APOL5: variants seen among roughly 807,000 people sequenced by gnomAD.
The protein encoded by APOL5 is apolipoprotein L, 5.
Under a neutral mutation model 35.5 loss-of-function variants are expected in APOL5, and 29 were observed. The ratio of observed to expected loss-of-function variants is 0.82; its 90% CI spans 0.61 to 1.11. The LOEUF (loss-of-function observed/expected upper bound fraction) is 1.11, where lower values mean the gene tolerates loss of function less well. Among genes scored for constraint, APOL5 ranks in the 50% most tolerant of loss-of-function variants. The pLI, the probability that APOL5 is intolerant of heterozygous loss-of-function variation, is 0.00. For missense variants in APOL5, 514 were observed against 530.4 expected (o/e 0.97, Z 0.30); for synonymous variants, 188 against 200.2 (o/e 0.94, Z 0.51).
chr22:35,711,366 G>A, the APOL5 span, among the ~76,000 whole-genome samples: 1 of 152,020 alleles, frequency 6.6e-6, no homozygotes, highest in African/African-American at 2.4e-5. Flanking sequence ...ATATCTCTTT[G>A]AGACCCTGCT....
upstream of APOL5, chr22:35,717,738 CAA>C (rs71322979): frequency 0.017 from 3,163 of 190,850 alleles, no homozygotes; most frequent in South Asian, 0.021. Context: ...AGCTCCATCG[CAA>C]AAAAAAAAAA....
At chr22:35,724,385 T>G (rs902354845) in intron 2 of APOL5, among the ~76,000 whole-genome samples, 10 of 151,922 alleles carry the variant, frequency 6.6e-5, no homozygotes, top group African/African-American at 2.4e-4. Context: ...CCACCTTTTT[T>G]TTTTTTTTAA....
intron 1 of APOL5, among the ~76,000 whole-genome samples, chr22:35,719,680 C>T (rs1393324234): frequency 6.6e-6 from 1 of 152,230 alleles, no homozygotes; most frequent in Non-Finnish European, 1.5e-5. Flanking sequence ...GGGGAGCATG[C>T]GGACCGGCAG....
chr22:35,725,191 G>C (rs1274077808), intron 2 of APOL5, among the ~76,000 whole-genome samples: 1 of 152,208 alleles, frequency 6.6e-6, no homozygotes, highest in Non-Finnish European at 1.5e-5. Context: ...AGAGCCAGAT[G>C]AATGGGAGAC....
chr22:35,728,847 A>G lies in APOL5; in HGVS notation c.1251A>G (p.Pro417=). Residue 417 remains proline, a synonymous_variant, in exon 4 of 5, where the codon CCA becomes CCG. Transcript: ENST00000249044. ...GGATGCTTGGCCACCAGCCAGCCCC[A>G]CCAGCACCAGCAAGAAAGGGGAGAC... ...APRMLGHQPA[P]PAPARKGRQA... 1 of 1,611,386 alleles carries G rather than the reference A, an allele frequency of 6.2e-7. No individual in the cohort carries two copies. Among genetic ancestry groups the G allele is most frequent in the Non-Finnish European group, 8.5e-7 (1 of 1,178,832 alleles).
At chr22:35,712,099 T>G in the APOL5 span, among the ~76,000 whole-genome samples, 1 of 152,298 alleles carries the variant, frequency 6.6e-6, no homozygotes, top group Middle Eastern at 3.4e-3. Flanking sequence ...TTCAACCTCC[T>G]GGGCTCAAGT....
At chr22:35,722,506 G>A (rs963666929) in intron 2 of APOL5, among the ~76,000 whole-genome samples, 1 of 152,148 alleles carries the variant, frequency 6.6e-6, no homozygotes, top group African/African-American at 2.4e-5. Context: ...TCACCACGTT[G>A]GCCAGGCTGG....
At chr22:35,717,485 A>G (rs941798900), upstream of APOL5, among the ~76,000 whole-genome samples, 2 of 150,752 alleles carry the variant, frequency 1.3e-5, no homozygotes, top group African/African-American at 4.9e-5. Flanking sequence ...CACGCCTGTA[A>G]TCCCAGCATT....
intron 2 of APOL5, among the ~76,000 whole-genome samples, chr22:35,724,094 G>A (rs1047808844): frequency 6.6e-6 from 1 of 151,642 alleles, no homozygotes; most frequent in Non-Finnish European, 1.5e-5. Context: ...TGGAAATGTA[G>A]ACTCTTTTAC....
chr22:35,717,931 G>A lies in APOL5; in HGVS notation c.55+5G>A. ...CCGGTTCCAAGGTGTTACCTGGTAA[G>A]TTCTTTTAAGCTTTCAGAAAACAAG... On this transcript the variant is annotated splice_donor_5th_base_variant and intron_variant, in intron 1 of 4. Transcript: ENST00000249044. 1 of 1,571,238 alleles carries A rather than the reference G, an allele frequency of 6.4e-7. No homozygotes were observed. The highest frequency in any genetic ancestry group is 8.6e-7 in the Non-Finnish European group (1 of 1,159,010).
the APOL5 span, among the ~76,000 whole-genome samples, chr22:35,709,356 A>G: frequency 1.4e-5 from 2 of 143,278 alleles, no homozygotes; most frequent in Non-Finnish European, 3.1e-5. Flanking sequence ...GGTATAAAAC[A>G]CACAAAATTT....
chr22:35,728,614 C>G, intron 3 of APOL5, 109 bp from the exon 4 acceptor site: 1 of 1,321,830 alleles, frequency 7.6e-7, no homozygotes. Context: ...TTTTCTTCTT[C>G]TCAAAGCCAA....
rs1394780774 is a variant in APOL5 at position 35,726,596 on chromosome 22, G to T, written c.528G>T (p.Leu176Phe). The change falls in exon 3 of 5, where the codon TTG becomes TTT. Residue 176 changes from leucine to phenylalanine, a missense_variant. By Grantham distance (22) the Leu-to-Phe change is conservative. Transcript: ENST00000249044. ...SLMLSATGTG[L>F]GAAAAITNIV... is the part of the protein sequence containing the mutation. ...TGCTCTCAGCAACTGGGACAGGGTTGGGGGCAGCAGCTGCCATCACCAACA... is the reference window on the plus strand; with the variant it reads ...TGCTCTCAGCAACTGGGACAGGGTTTGGGGCAGCAGCTGCCATCACCAACA... 6.2e-7 allele frequency: 1 copy of T among 1,614,166 alleles called. No homozygotes were observed. Among genetic ancestry groups the T allele is most frequent in the Non-Finnish European group, 8.5e-7 (1 of 1,180,018 alleles).
In APOL5 at chr22:35,727,054, T is replaced by G. The variant is rs1274963291; in HGVS notation, c.986T>G (p.Leu329Arg). 1.9e-6 allele frequency: 3 copies of G among 1,613,830 alleles called. No homozygotes were observed. In the South Asian group the frequency reaches 3.3e-5, roughly 18 times the overall value. Residue 329 changes from leucine to arginine, a missense_variant, in exon 3 of 5, where the codon CTG becomes CGG. Physicochemically the swap from Leu to Arg is moderately radical, Grantham distance 102. Coordinates refer to ENST00000249044, the MANE Select transcript of APOL5 (RefSeq NM_030642.1). Reference protein sequence around the residue: ...DGARTETAEELRALAKKLEQE... With the variant: ...DGARTETAEERRALAKKLEQE... ...GCAAGGACGGAGACAGCAGAGGAAC[T>G]GAGAGCACTTGCTAAGAAGCTGGAG...
chr22:35,728,196 G>A (rs1330893694), intron 3 of APOL5, among the ~76,000 whole-genome samples: 1 of 152,174 alleles, frequency 6.6e-6, no homozygotes, highest in Non-Finnish European at 1.5e-5. Context: ...TCTGGGATAT[G>A]ACCTGGATTT....
chr22:35,728,608 C>T, intron 3 of APOL5, 115 bp from the exon 4 acceptor site: 1 of 1,245,818 alleles, frequency 8.0e-7, no homozygotes, highest in Non-Finnish European at 1.1e-6. Flanking sequence ...GAGGGGTTTT[C>T]TTCTTCTCAA....
At chr22:35,713,176 C>G (rs114440538), upstream of APOL5, among the ~76,000 whole-genome samples, 1 of 152,204 alleles carries the variant, frequency 6.6e-6, no homozygotes, top group African/African-American at 2.4e-5. Context: ...TTTTGGCATC[C>G]TTTTAATCTA....
rs369423384 is a variant in APOL5 at position 35,727,129 on chromosome 22, C to A, written c.1061C>A (p.Ala354Glu). The A allele has an allele frequency of 6.2e-7, 1 of 1,610,208 alleles. No homozygotes were observed. Among genetic ancestry groups the A allele is most frequent in the East Asian group, 2.2e-5 (1 of 44,878 alleles). Residue 354 changes from alanine (A) to glutamate (E), a missense_variant, in exon 3 of 5, where the codon GCG becomes GAG. Transcript: ENST00000249044. ...CACCACCGGCACCTGCCGCAGAAGG[C>A]GAGCCAGACCTGTTCCAGCTCCCGG... ...TQHHRHLPQKASQTCSSSRGR... is the reference protein window; with the variant it reads ...TQHHRHLPQKESQTCSSSRGR...
At chr22:35,714,182 C>T (rs897454806), upstream of APOL5, among the ~76,000 whole-genome samples, 3 of 152,020 alleles carry the variant, frequency 2.0e-5, no homozygotes, top group African/African-American at 4.8e-5. Flanking sequence ...CGTGGTGGTG[C>T]GCACCTGTAA....
Sources: gnomAD v4.1 joint callset for allele counts (sites outside exome capture counted in the v4.1 genomes callset) on GRCh38, gnomAD v4.1.1 for gene constraint, MANE v1.5 for transcripts, NCBI Gene and HGNC (gene_info 2026-07-23, HGNC 2026-07-21) for gene names.